The following GRM4 variants were observed in gnomAD, a reference collection of about 807,000 sequenced individuals.
GRM4 encodes metabotropic glutamate receptor 4.
Under a neutral mutation model 81.7 loss-of-function variants are expected in GRM4, and 28 were observed. That is an observed-to-expected ratio of 0.34 (90% confidence interval 0.25 to 0.47). The LOEUF (loss-of-function observed/expected upper bound fraction) is 0.47, where lower values mean the gene tolerates loss of function less well. Among genes scored for constraint, GRM4 ranks in the 20% least tolerant of loss-of-function variants. The pLI is 1.00. For missense variants in GRM4, 948 were observed against 1,290.0 expected (o/e 0.73, Z 4.06); for synonymous variants, 488 against 528.8 (o/e 0.92, Z 1.06).
intron 2 of GRM4, among the ~76,000 whole-genome samples, chr6:34,093,983 AG>A (rs1768380390): frequency 6.6e-6 from 1 of 152,238 alleles, no homozygotes; most frequent in Non-Finnish European, 1.5e-5. Flanking sequence ...TAACAGTAAA[AG>A]TTTGGAAACG....
rs144303798 is a variant in GRM4 at position 34,098,766 on chromosome 6, G to C, written c.520-6667C>G. Among the ~76,000 whole-genome samples, 245 of 152,366 alleles carry C rather than the reference G, an allele frequency of 1.6e-3. 1 individual carries two copies. In the Middle Eastern group the frequency reaches 0.017, roughly 11 times the overall value. ...GAATGTGTGGTTCAGAGAAAGAGGA[G>C]GAGAGTGCTGGCTTCCAAAGGCCTT... is the stretch of plus-strand genomic sequence containing the variant. On this transcript the variant is annotated intron_variant, in intron 2 of 10. Coordinates refer to ENST00000538487, the MANE Select transcript of GRM4 (RefSeq NM_000841.4).
chr6:34,096,896 T>C (rs1425258884), intron 2 of GRM4, among the ~76,000 whole-genome samples: 5 of 151,642 alleles, frequency 3.3e-5, no homozygotes. Context: ...ACAATGAAGA[T>C]GGATTCCAAG....
intron 3 of GRM4, among the ~76,000 whole-genome samples, chr6:34,075,177 G>A (rs192936118): frequency 5.9e-5 from 9 of 152,302 alleles, no homozygotes; most frequent in African/African-American, 2.2e-4. Context: ...CTCAGGCCAC[G>A]GTCAAGGCCG....
At chr6:34,110,863 G>T in intron 2 of GRM4, 1 of 1,319,968 alleles carries the variant, frequency 7.6e-7, no homozygotes, top group African/African-American at 1.5e-5. Context: ...AGGCCTGGAG[G>T]TGAGGAGATA....
chr6:34,113,111 C>G (rs954297192), intron 2 of GRM4, among the ~76,000 whole-genome samples: 1 of 151,544 alleles, frequency 6.6e-6, no homozygotes, highest in African/African-American at 2.4e-5. Flanking sequence ...TCTTCTTTCC[C>G]TTCCTTCCTT....
Position 34,040,665 on chromosome 6 carries a change from G to A in GRM4, c.1252C>T (p.His418Tyr). The A allele has an allele frequency of 6.2e-7, 1 of 1,613,972 alleles. No homozygotes were observed. The highest frequency in any genetic ancestry group is 8.5e-7 in the Non-Finnish European group (1 of 1,179,824). The part of the protein sequence containing the change: ...FVIDAVYAMG[H>Y]ALHAMHRDLC... ...TCACGGTGCATGGCGTGCAGCGCGT[G>A]GCCCATGGCGTACACGGCATCGATC... The change falls in exon 7 of 11, where the codon CAC (histidine) becomes TAC (tyrosine). Residue 418 changes from histidine (H) to tyrosine (Y), a missense_variant. By Grantham distance (83) the His-to-Tyr change is moderately conservative (BLOSUM62 2). Coordinates refer to ENST00000538487, the MANE Select transcript of GRM4 (RefSeq NM_000841.4).
intron 1 of GRM4, among the ~76,000 whole-genome samples, chr6:34,145,782 C>G (rs1770905847): frequency 6.6e-6 from 1 of 152,192 alleles, no homozygotes; most frequent in African/African-American, 2.4e-5. Context: ...AAGTGCGGGC[C>G]AAGCTCACGG....
At chr6:34,031,488 T>G (rs954213598) in intron 9 of GRM4, among the ~76,000 whole-genome samples, 10 of 152,060 alleles carry the variant, frequency 6.6e-5, no homozygotes, top group African/African-American at 2.2e-4. Context: ...GGGTACAGGG[T>G]TCGAGGGGCC....
chr6:34,085,611 G>A (rs1767842457), intron 3 of GRM4, among the ~76,000 whole-genome samples: 1 of 152,224 alleles, frequency 6.6e-6, no homozygotes, highest in Non-Finnish European at 1.5e-5. Flanking sequence ...GAAGTGAGTA[G>A]TTGGGGGCTG....
At chr6:34,045,448 G>T (rs1765321145) in intron 6 of GRM4, among the ~76,000 whole-genome samples, 1 of 152,240 alleles carries the variant, frequency 6.6e-6, no homozygotes. Context: ...CAGGAATCCT[G>T]GCACCAAGTA....
At chr6:34,057,444 C>T (rs1162577320) in intron 5 of GRM4, among the ~76,000 whole-genome samples, 6 of 152,188 alleles carry the variant, frequency 3.9e-5, no homozygotes, top group African/African-American at 1.4e-4. Flanking sequence ...GCACTGGCAT[C>T]GAGCAGGAGG....
chr6:34,049,064 C>T (rs949034104), intron 6 of GRM4, among the ~76,000 whole-genome samples: 1 of 152,132 alleles, frequency 6.6e-6, no homozygotes, highest in Non-Finnish European at 1.5e-5. Flanking sequence ...TGACCCACCC[C>T]TCCCCAGCTA....
At chr6:34,076,387 G>A (rs1196585617) in intron 3 of GRM4, among the ~76,000 whole-genome samples, 3 of 152,176 alleles carry the variant, frequency 2.0e-5, no homozygotes, top group African/African-American at 7.2e-5. Flanking sequence ...GTGGCAAAGA[G>A]CCCGGCTCTG....
chr6:34,128,077 C>A (rs1014418537), intron 2 of GRM4, among the ~76,000 whole-genome samples: 2 of 152,168 alleles, frequency 1.3e-5, no homozygotes, highest in African/African-American at 4.8e-5. Flanking sequence ...TGCCCCATTT[C>A]GTGATAGCAA....
At position 34,036,085 on chromosome 6, in the gene GRM4, G is replaced by A; in HGVS notation, c.2025C>T (p.Asn675=). The change falls in exon 9 of 11, where the codon AAC becomes AAT. Residue 675 remains asparagine (N), a synonymous_variant. Coordinates refer to ENST00000538487, the MANE Select transcript of GRM4 (RefSeq NM_000841.4). This position sits in a 1 kb window ranked among gnomAD's most constrained non-coding sequence, Gnocchi z 9.0. Reference sequence around the variant, plus strand: ...CCTGCTCGAAGATGCGGTAGATGCGGTTGGTCTTGGTGAGCAGGGCTGCAT... The same window carrying A: ...CCTGCTCGAAGATGCGGTAGATGCGATTGGTCTTGGTGAGCAGGGCTGCAT... ...ISYAALLTKT[N]RIYRIFEQGK... 1 of 1,614,224 alleles carries A rather than the reference G, an allele frequency of 6.2e-7. No homozygotes were observed. Among genetic ancestry groups the A allele is most frequent in the Non-Finnish European group, 8.5e-7 (1 of 1,180,034 alleles).
rs985920398 is a variant in GRM4 at position 34,074,714 on chromosome 6, CA to C, written c.737-12687del. Among the ~76,000 whole-genome samples, 1 of 152,232 alleles carries C rather than the reference CA, an allele frequency of 6.6e-6. No homozygotes were observed. Among genetic ancestry groups the C allele is most frequent in the African/African-American group, 2.4e-5 (1 of 41,456 alleles). ...CTGAGTGATCGACTTAATATCTCAA[CA>C]CAAACCCACTTAGGCAAAACACCTT... On this transcript the variant is annotated intron_variant, in intron 3 of 10. Coordinates refer to ENST00000538487, the MANE Select transcript of GRM4 (RefSeq NM_000841.4). This position sits in a 1 kb window ranked among gnomAD's most constrained non-coding sequence, Gnocchi z 4.9.
At chr6:34,103,631 G>C (rs986884632) in intron 2 of GRM4, 44 of 1,534,954 alleles carry the variant, frequency 2.9e-5, no homozygotes, top group Non-Finnish European at 2.8e-5. Flanking sequence ...AGTGATCTGT[G>C]GGGGAGGCCG....
In GRM4 at chr6:34,129,020, A is replaced by ATT. The variant is rs5875491; in HGVS notation, c.519+3956_519+3957dup. On this transcript the variant is annotated intron_variant, in intron 2 of 10. Transcript: ENST00000538487. Reference sequence around the variant, plus strand: ...GAACAATGACTTTTCAGGAAAAGGTATTTTTTTTTTTTGAGATGGAGTCTC... The same window carrying ATT: ...GAACAATGACTTTTCAGGAAAAGGTATTTTTTTTTTTTTTGAGATGGAGTCTC... Among the ~76,000 whole-genome samples, 700 of 148,064 alleles carry ATT rather than the reference A, an allele frequency of 4.7e-3. 4 individuals carry two copies. Among genetic ancestry groups the ATT allele is most frequent in the African/African-American group, 0.015 (589 of 40,214 alleles).
Position 34,092,130 on chromosome 6 carries a change from C to T in GRM4, c.520-31G>A, listed in dbSNP as rs370373126. On this transcript the variant is annotated intron_variant, in intron 2 of 10. Coordinates refer to ENST00000538487, the MANE Select transcript of GRM4 (RefSeq NM_000841.4). The surrounding 1 kb of genome is among the most constrained non-coding windows in gnomAD (Gnocchi z 6.8). ...GGGCGAGAGGGGCTGCTGAGGGTGG[C>T]GACTGGCTCCCCACCCTGCCTAGCC... 830 of 1,463,238 alleles carry T rather than the reference C, an allele frequency of 5.7e-4. 8 individuals carry two copies. The highest frequency in any genetic ancestry group is 3.4e-3 in the South Asian group (277 of 82,244). The allele number at this position is 1,463,238 out of a possible 1,614,324, so 90.6% of individuals were successfully genotyped here.
Sources: allele counts gnomAD v4.1 joint callset (sites outside exome capture counted in the v4.1 genomes callset), GRCh38; gene constraint gnomAD v4.1.1; non-coding constraint Gnocchi (gnomAD v3.1); transcripts MANE v1.5; gene names NCBI Gene and HGNC (gene_info 2026-07-23, HGNC 2026-07-21).